The following RYR2 variants were observed in gnomAD, a reference collection of about 807,000 sequenced individuals.
The protein encoded by RYR2 is cardiac muscle ryanodine receptor-calcium release channel.
A neutral mutation model predicts 601.1 loss-of-function variants in RYR2; 227 were observed. The ratio of observed to expected loss-of-function variants is 0.38; its 90% CI spans 0.34 to 0.42. The LOEUF (loss-of-function observed/expected upper bound fraction) is 0.42. Ranked by LOEUF, RYR2 falls within the 10% of genes least tolerant of loss-of-function variation. The pLI, the probability that RYR2 is intolerant of heterozygous loss-of-function variation, is 1.00. For synonymous variants in RYR2, 2,223 were observed against 2,175.1 expected (o/e 1.02, Z -0.61); for missense variants, 4,646 against 6,156.5 (o/e 0.75, Z 8.21).
At chr1:237,210,673 G>T (rs2149092376) in intron 1 of RYR2, among the ~76,000 whole-genome samples, 1 of 152,214 alleles carries the variant, frequency 6.6e-6, no homozygotes, top group Middle Eastern at 3.4e-3. Flanking sequence ...GCCGTGTGTT[G>T]GTCTTGTGAC....
At chr1:237,108,265 G>A (rs1020516447) in intron 1 of RYR2, among the ~76,000 whole-genome samples, 2 of 152,174 alleles carry the variant, frequency 1.3e-5, no homozygotes, top group Non-Finnish European at 2.9e-5. Flanking sequence ...TACACCTGTT[G>A]GAGGGATCGG....
intron 102 of RYR2, among the ~76,000 whole-genome samples, chr1:237,829,751 A>G (rs1473921034): frequency 6.6e-6 from 1 of 152,204 alleles, no homozygotes; most frequent in Non-Finnish European, 1.5e-5. Flanking sequence ...CATGCTTCAG[A>G]TGGCATAAAA....
rs1657747249 is a variant in RYR2, at chr1:237,449,081, C to G, written c.1292+3559C>G. Among the ~76,000 whole-genome samples, 2 of 152,152 alleles carry G rather than the reference C, an allele frequency of 1.3e-5. 1 individual carries two copies. Among genetic ancestry groups the G allele is most frequent in the Non-Finnish European group, 2.9e-5 (2 of 68,024 alleles). The stretch of plus-strand genomic sequence containing the variant: ...CACACACACACGCCACCACCATCAC[C>G]ACCCTTACACGGGAGCGTGAGAGCA... On this transcript the variant is annotated intron_variant, in intron 14 of 104. Transcript: ENST00000366574.
At chr1:237,149,334 A>G (rs974824911) in intron 1 of RYR2, among the ~76,000 whole-genome samples, 1 of 152,222 alleles carries the variant, frequency 6.6e-6, no homozygotes, top group Non-Finnish European at 1.5e-5. Context: ...CAAAAAACCA[A>G]AAACAAACAA....
intron 14 of RYR2, among the ~76,000 whole-genome samples, chr1:237,453,580 G>A (rs1658452382): frequency 1.3e-5 from 2 of 152,080 alleles, no homozygotes; most frequent in African/African-American, 4.8e-5. Context: ...TTAACAACTT[G>A]TCATGGCTAT....
In RYR2 at chr1:237,707,150, C is replaced by T. The variant is rs758953445; in HGVS notation, c.9782C>T (p.Ala3261Val). ...EHGPENNPER[A>V]EMCCTALNSE... ...GGACCTGAGAACAATCCAGAACGGG[C>T]CGAGATGTGCTGCACAGCCCTGAAC... is the stretch of plus-strand genomic sequence containing the variant. The change falls in exon 68 of 105, where the codon GCC becomes GTC. Residue 3261 changes from alanine (A) to valine (V), a missense_variant. Coordinates refer to ENST00000366574, the MANE Select transcript of RYR2 (RefSeq NM_001035.3). 6.2e-7 allele frequency: 1 copy of T among 1,613,752 alleles called. No individual in the cohort carries two copies. The highest frequency in any genetic ancestry group is 8.5e-7 in the Non-Finnish European group (1 of 1,179,788).
At position 237,696,319 on chromosome 1, in the gene RYR2, A is replaced by G. The variant is rs1687429050; in HGVS notation, c.9068-2646A>G. Among the ~76,000 whole-genome samples the G allele has an allele frequency of 2.6e-5, 4 of 152,122 alleles. 1 individual carries two copies. The South Asian group carries it at 8.3e-4, about 32-fold the overall frequency. On this transcript the variant is annotated intron_variant, in intron 63 of 104. Transcript: ENST00000366574. ...GTGGCATAGGACTCATATACGTTGC[A>G]CTGGATCTCTTCCTCCTCATGGGCC...
intron 23 of RYR2, among the ~76,000 whole-genome samples, chr1:237,508,351 A>C (rs1665478724): frequency 6.6e-6 from 1 of 152,102 alleles, no homozygotes; most frequent in Admixed American, 6.5e-5. Context: ...GATGCTACAA[A>C]TGTGTAAGTA....
intron 1 of RYR2, among the ~76,000 whole-genome samples, chr1:237,236,907 G>A (rs574547206): frequency 2.0e-5 from 3 of 152,292 alleles, no homozygotes; most frequent in East Asian, 3.9e-4. Flanking sequence ...TAGTGATACG[G>A]TTTTGCTCTG....
At chr1:237,159,523 A>T (rs543028249) in intron 1 of RYR2, among the ~76,000 whole-genome samples, 1 of 151,424 alleles carries the variant, frequency 6.6e-6, no homozygotes, top group South Asian at 2.1e-4. Flanking sequence ...TTCCTCACAT[A>T]CTTACTTAAA....
intron 1 of RYR2, among the ~76,000 whole-genome samples, chr1:237,217,219 A>G (rs1046060754): frequency 6.6e-6 from 1 of 152,082 alleles, no homozygotes; most frequent in African/African-American, 2.4e-5. Context: ...TTGTAACATC[A>G]TTGCATTATT....
intron 11 of RYR2, 110 bp from the exon 12 acceptor site, chr1:237,422,982 A>G: frequency 8.0e-7 from 1 of 1,256,238 alleles, no homozygotes; most frequent in Non-Finnish European, 1.1e-6. Context: ...AAGTTTTTTG[A>G]GAACATTAAG....
At chr1:237,070,119 C>T (rs561403940) in intron 1 of RYR2, among the ~76,000 whole-genome samples, 51 of 151,210 alleles carry the variant, frequency 3.4e-4, no homozygotes, top group Admixed American at 2.6e-4. Flanking sequence ...CAGCCTTGAC[C>T]TCCCAGGCTC....
At chr1:237,206,564 A>G (rs1285628744) in intron 1 of RYR2, among the ~76,000 whole-genome samples, 4 of 152,200 alleles carry the variant, frequency 2.6e-5, no homozygotes, top group African/African-American at 7.2e-5. Context: ...ATAATACTAA[A>G]AGACTTATTT....
chr1:237,249,026 A>G (rs1224291290), intron 1 of RYR2, among the ~76,000 whole-genome samples: 2 of 152,096 alleles, frequency 1.3e-5, no homozygotes, highest in African/African-American at 4.8e-5. Flanking sequence ...CGGCCTCCCA[A>G]AGTGCTGGGA....
At chr1:237,101,338 A>G (rs568003442) in intron 1 of RYR2, among the ~76,000 whole-genome samples, 1 of 149,272 alleles carries the variant, frequency 6.7e-6, no homozygotes, top group East Asian at 2.0e-4. Context: ...CACAAACAAG[A>G]TGTTTCTTTT....
chr1:237,170,441 G>A (rs995507503), intron 1 of RYR2, among the ~76,000 whole-genome samples: 3 of 152,162 alleles, frequency 2.0e-5, no homozygotes, highest in African/African-American at 7.2e-5. Context: ...ATAACACTGA[G>A]AGCTGTGACC....
Position 237,667,914 on chromosome 1 carries a change from A to G in RYR2, c.8546A>G (p.His2849Arg). 6.3e-7 allele frequency: 1 copy of G among 1,586,254 alleles called. No homozygotes were observed. Among genetic ancestry groups the G allele is most frequent in the South Asian group, 1.2e-5 (1 of 85,918 alleles). ...GCAGAAATGATGGCTGAAAACTACC[A>G]TAATATATGGGCAAAGAAAAAGAAA... is the stretch of plus-strand genomic sequence containing the variant. ...AMAEMMAENY[H>R]NIWAKKKKME... Residue 2849 changes from histidine (H) to arginine (R), a missense_variant, in exon 58 of 105, where the codon CAT becomes CGT. Around this residue, in one of 17 missense-constraint regions of RYR2, gnomAD observed 1,497 missense variants for 1,842.6 expected, o/e 0.81. Transcript: ENST00000366574.
At chr1:237,224,958 G>C (rs1424412711) in intron 1 of RYR2, among the ~76,000 whole-genome samples, 1 of 152,168 alleles carries the variant, frequency 6.6e-6, no homozygotes, top group Non-Finnish European at 1.5e-5. Flanking sequence ...GTTTATAGTT[G>C]GCAGAGAGGG....
Sources: allele counts gnomAD v4.1 joint callset (sites outside exome capture counted in the v4.1 genomes callset), GRCh38; gene constraint gnomAD v4.1.1; regional missense constraint gnomAD v4.1.1; transcripts MANE v1.5; gene names NCBI Gene and HGNC (gene_info 2026-07-23, HGNC 2026-07-21).